The following TCF4 variants were observed in gnomAD, a reference collection of about 807,000 sequenced individuals.
TCF4 encodes the protein transcription factor 4.
TCF4 carries 3 observed loss-of-function variants against 82.1 expected under a neutral mutation model. The ratio of observed to expected loss-of-function variants is 0.04; its 90% confidence interval spans 0.02 to 0.09. TCF4 has a LOEUF of 0.09. Among genes scored for constraint, TCF4 ranks in the 10% least tolerant of loss-of-function variants. TCF4 has a pLI of 1.00. For missense variants in TCF4, 518 were observed against 852.7 expected (o/e 0.61, Z 4.89); for synonymous variants, 276 against 309.6 (o/e 0.89, Z 1.14).
chr18:55,410,829 A>C (rs2094314796), intron 5 of TCF4, among the ~76,000 whole-genome samples: 2 of 152,176 alleles, frequency 1.3e-5, no homozygotes, highest in South Asian at 2.1e-4. Flanking sequence ...TGATGGATGA[A>C]AATGTCCGAA....
At chr18:55,296,288 C>T (rs1376508615) in intron 8 of TCF4, among the ~76,000 whole-genome samples, 1 of 152,178 alleles carries the variant, frequency 6.6e-6, no homozygotes, top group South Asian at 2.1e-4. Context: ...AAGCCTGAAG[C>T]TCTGGCTATT....
chr18:55,460,172 C>G (rs766668371), intron 5 of TCF4, among the ~76,000 whole-genome samples: 10 of 152,006 alleles, frequency 6.6e-5, no homozygotes, highest in Non-Finnish European at 1.5e-4. Context: ...TTTAACTTCA[C>G]TTATTGACAG....
At chr18:55,621,158 G>C (rs1226969757) in intron 2 of TCF4, among the ~76,000 whole-genome samples, 1 of 151,504 alleles carries the variant, frequency 6.6e-6, no homozygotes, top group African/African-American at 2.4e-5. Flanking sequence ...AGTTACACTA[G>C]CTGTGGGACA....
Position 55,232,557 on chromosome 18 carries a change from A to G in TCF4, c.1601T>C (p.Leu534Ser). 6.2e-7 allele frequency: 1 copy of G among 1,614,200 alleles called. No homozygotes were observed. The highest frequency in any genetic ancestry group is 8.5e-7 in the Non-Finnish European group (1 of 1,180,028). The change falls in exon 17 of 20, where the codon TTA (leucine) becomes TCA (serine). Residue 534 changes from leucine to serine, a missense_variant. Coordinates refer to ENST00000354452, the MANE Select transcript of TCF4 (RefSeq NM_001083962.2). ...QDTKSSEDKK[L>S]DDDKKDIKSI... ...TTTGATATCCTTCTTGTCGTCATCT[A>G]ATTTCTTGTCCTCCGAAGATTTCGT...
chr18:55,561,961 T>C (rs2097358741), intron 3 of TCF4, among the ~76,000 whole-genome samples: 1 of 152,236 alleles, frequency 6.6e-6, no homozygotes, highest in Non-Finnish European at 1.5e-5. Context: ...CAAGATCACA[T>C]TGCTGATGAT....
At chr18:55,305,462 C>A (rs1297801990) in intron 8 of TCF4, among the ~76,000 whole-genome samples, 1 of 152,114 alleles carries the variant, frequency 6.6e-6, no homozygotes, top group Non-Finnish European at 1.5e-5. Context: ...AGCAAATTAT[C>A]TATTTAAACC....
In TCF4 at chr18:55,437,313, T is replaced by C. The variant is rs538587948; in HGVS notation, c.304+23706A>G. On this transcript the variant is annotated intron_variant, in intron 5 of 19. Coordinates refer to ENST00000354452, the MANE Select transcript of TCF4 (RefSeq NM_001083962.2). Reference sequence around the variant, plus strand: ...GCAATGAAGGTTTCATTCACAACATTATTATAGAAGCAAATCTTTAGGGCC... The same window carrying C: ...GCAATGAAGGTTTCATTCACAACATCATTATAGAAGCAAATCTTTAGGGCC... Among the ~76,000 whole-genome samples the C allele has an allele frequency of 9.6e-4, 147 of 152,336 alleles. 2 individuals are homozygous for C. The highest frequency in any genetic ancestry group is 3.1e-3 in the African/African-American group (128 of 41,576).
chr18:55,227,678 AT>A lies in TCF4; in HGVS notation c.*356del, dbSNP rs556610873. The A allele has an allele frequency of 4.0e-5, 6 of 149,780 alleles. No homozygotes were observed. Among genetic ancestry groups the A allele is most frequent in the South Asian group, 4.2e-4 (2 of 4,732 alleles). 9.3% of individuals were successfully genotyped at this position (149,780 alleles called of 1,614,324 possible). A position where few individuals can be genotyped will look rare whatever the true frequency, so the allele number is the denominator to read the frequency against. ...TTTTTCAGACTTACAAATTAATTAT[AT>A]TTTTTTTTTCCAAAAGAAGTTTAGG... On this transcript the variant is annotated 3_prime_UTR_variant, in exon 20 of 20. Transcript: ENST00000354452.
chr18:55,519,243 G>A (rs1172911878), intron 3 of TCF4, among the ~76,000 whole-genome samples: 1 of 151,924 alleles, frequency 6.6e-6, no homozygotes, highest in Non-Finnish European at 1.5e-5. Context: ...GACCAGCCTG[G>A]GCAACATTGT....
intron 3 of TCF4, among the ~76,000 whole-genome samples, chr18:55,511,877 C>G (rs1027053231): frequency 2.0e-5 from 3 of 152,112 alleles, no homozygotes; most frequent in African/African-American, 7.2e-5. Context: ...ACAGCAAAAA[C>G]TGATTTGTGA....
intron 8 of TCF4, among the ~76,000 whole-genome samples, chr18:55,345,858 C>T (rs543646117): frequency 8.5e-5 from 13 of 152,168 alleles, no homozygotes; most frequent in Middle Eastern, 6.8e-3. Flanking sequence ...GAAAAAGCAT[C>T]GTTCTGATTT....
chr18:55,328,143 C>T (rs1229512307), intron 8 of TCF4, among the ~76,000 whole-genome samples: 1 of 152,128 alleles, frequency 6.6e-6, no homozygotes, highest in Non-Finnish European at 1.5e-5. Flanking sequence ...CTGGAACCTA[C>T]ACATTTGACT....
intron 10 of TCF4, among the ~76,000 whole-genome samples, chr18:55,272,401 T>C (rs900754711): frequency 1.5e-4 from 23 of 152,090 alleles, no homozygotes; most frequent in African/African-American, 5.3e-4. Context: ...CTTAGTCTCT[T>C]ACTCCAGCTA....
At chr18:55,302,009 G>A (rs772560815) in intron 8 of TCF4, among the ~76,000 whole-genome samples, 6 of 152,162 alleles carry the variant, frequency 3.9e-5, no homozygotes, top group Non-Finnish European at 5.9e-5. Context: ...ACAAAACCGT[G>A]GTTGTAACCG....
rs940959688 is a variant in TCF4, at chr18:55,347,951, T to C, written c.549+2408A>G. On this transcript the variant is annotated intron_variant, in intron 8 of 19. Transcript: ENST00000354452. ...TATCTGTTATACAAATACTCATACATACTGAAACAATTTAAGAAGTATCTC... is the reference window on the plus strand; with the variant it reads ...TATCTGTTATACAAATACTCATACACACTGAAACAATTTAAGAAGTATCTC... Among the ~76,000 whole-genome samples, 3 of 152,156 alleles carry C rather than the reference T, an allele frequency of 2.0e-5. 1 individual carries two copies. The highest frequency in any genetic ancestry group is 4.1e-4 in the South Asian group (2 of 4,832).
intron 6 of TCF4, among the ~76,000 whole-genome samples, chr18:55,400,346 T>G (rs2093744964): frequency 6.6e-6 from 1 of 152,214 alleles, no homozygotes; most frequent in Non-Finnish European, 1.5e-5. Context: ...AAGAACATGT[T>G]AAGCTGGGTG....
intron 9 of TCF4, among the ~76,000 whole-genome samples, chr18:55,276,828 A>G (rs1177651780): frequency 6.6e-6 from 1 of 152,246 alleles, no homozygotes; most frequent in Non-Finnish European, 1.5e-5. Flanking sequence ...AGGCAATAGA[A>G]AAGTTAAATC....
chr18:55,621,464 A>T (rs368218573), intron 2 of TCF4, among the ~76,000 whole-genome samples: 1 of 55,178 alleles, frequency 1.8e-5, no homozygotes, highest in Non-Finnish European at 3.9e-5. Context: ...TATAATATAT[A>T]ATATATATAA....
At chr18:55,612,192 A>C (rs1212704612) in intron 2 of TCF4, among the ~76,000 whole-genome samples, 1 of 152,218 alleles carries the variant, frequency 6.6e-6, no homozygotes, top group East Asian at 1.9e-4. Flanking sequence ...GCTAGAGCCT[A>C]CTGCATTGGA....
Sources: allele counts gnomAD v4.1 joint callset (sites outside exome capture counted in the v4.1 genomes callset), GRCh38; gene constraint gnomAD v4.1.1; transcripts MANE v1.5; gene names NCBI Gene and HGNC (gene_info 2026-07-23, HGNC 2026-07-21).